Variants in MGAT3 observed in about 807,000 individuals in gnomAD.
The protein encoded by MGAT3 is beta-1,4-mannosyl-glycoprotein 4-beta-N-acetylglucosaminyltransferase, also known as GlcNAc-T III.
Under a neutral mutation model 29.8 loss-of-function variants are expected in MGAT3, and 9 were observed. The ratio of observed to expected loss-of-function variants is 0.30; its 90% CI spans 0.18 to 0.53. The LOEUF (loss-of-function observed/expected upper bound fraction) is 0.53. Ranked by LOEUF, MGAT3 falls within the 20% of genes least tolerant of loss-of-function variation. The pLI is 0.96. For missense variants in MGAT3, 557 were observed against 769.5 expected (o/e 0.72, Z 3.27); for synonymous variants, 397 against 348.9 (o/e 1.14, Z -1.54).
intron 1 of MGAT3, among the ~76,000 whole-genome samples, chr22:39,459,879 G>A (rs1928448874): frequency 6.6e-6 from 1 of 152,260 alleles, no homozygotes; most frequent in Non-Finnish European, 1.5e-5. Flanking sequence ...CCTGGAAAAC[G>A]AGGATGCCGA....
At position 39,488,557 on chromosome 22, in the gene MGAT3, G is replaced by A; in HGVS notation, c.1210G>A (p.Val404Met). 1.9e-6 allele frequency: 3 copies of A among 1,613,314 alleles called. No homozygotes were observed. The highest frequency in any genetic ancestry group is 2.5e-6 in the Non-Finnish European group (3 of 1,180,008). Residue 404 changes from valine to methionine, a missense_variant, in exon 2 of 2, where the codon GTG becomes ATG. Coordinates refer to ENST00000341184, the MANE Select transcript of MGAT3 (RefSeq NM_002409.5). ...TGAGAACCGCACCGGCCACATCCTGGTGCAGTGGTCGCTGGGCAGCCCCCT... is the reference window on the plus strand; with the variant it reads ...TGAGAACCGCACCGGCCACATCCTGATGCAGTGGTCGCTGGGCAGCCCCCT... Reference protein sequence around the residue: ...QYENRTGHILVQWSLGSPLHF... With the variant: ...QYENRTGHILMQWSLGSPLHF...
At position 39,487,503 on chromosome 22, in the gene MGAT3, C is replaced by T; in HGVS notation, c.156C>T (p.Asn52=). 1 of 1,613,502 alleles carries T rather than the reference C, an allele frequency of 6.2e-7. No homozygotes were observed. Among genetic ancestry groups the T allele is most frequent in the South Asian group, 1.1e-5 (1 of 91,074 alleles). ...ACCTGGTGTCCAGCTTTTTCTGGAA[C>T]AATGCCCCGGTCACGCCCCAGGCCA... ...SPNLVSSFFW[N]NAPVTPQASP... Residue 52 remains asparagine (N), a synonymous_variant, in exon 2 of 2, where the codon AAC becomes AAT. Transcript: ENST00000341184. This position sits in a 1 kb window ranked among gnomAD's most constrained non-coding sequence, Gnocchi z 5.7.
In MGAT3 at chr22:39,477,552, G is replaced by GA. The variant is rs36038992; in HGVS notation, c.-1-9781dup. The GA allele has an allele frequency of 6.8e-3, 958 of 140,038 alleles. 9 individuals carry two copies. The highest frequency in any genetic ancestry group is 0.02 in the African/African-American group (743 of 37,478). 8.7% of individuals were successfully genotyped at this position (140,038 alleles called of 1,614,324 possible). A position where few individuals can be genotyped will look rare whatever the true frequency, so the allele number is the denominator to read the frequency against. On this transcript the variant is annotated intron_variant, in intron 1 of 1. Coordinates refer to ENST00000341184, the MANE Select transcript of MGAT3 (RefSeq NM_002409.5). Reference sequence around the variant, plus strand: ...AGCGGGAAACCCAAATGGAAGGAAAGAAAAAAAAAAAAAACCATGCATTTA... The same window carrying GA: ...AGCGGGAAACCCAAATGGAAGGAAAGAAAAAAAAAAAAAAACCATGCATTTA...
At position 39,492,152 on chromosome 22, in the gene MGAT3, G is replaced by A. The variant is rs994025164; in HGVS notation, c.*3203G>A. The A allele has an allele frequency of 6.0e-6, 1 of 167,116 alleles. No homozygotes were observed. Among genetic ancestry groups the A allele is most frequent in the African/African-American group, 2.4e-5 (1 of 41,400 alleles). 10.4% of individuals were successfully genotyped at this position (167,116 alleles called of 1,614,324 possible). ...TTTCACCCTTAAAGGGATGCTTAAA[G>A]GAGAAGATAATATTAATAATAAAAA... On this transcript the variant is annotated 3_prime_UTR_variant, in exon 2 of 2. Coordinates refer to ENST00000341184, the MANE Select transcript of MGAT3 (RefSeq NM_002409.5).
intron 1 of MGAT3, among the ~76,000 whole-genome samples, chr22:39,467,670 C>G (rs930230488): frequency 6.6e-6 from 1 of 151,068 alleles, no homozygotes; most frequent in African/African-American, 2.4e-5. Flanking sequence ...CGTTTCGTTT[C>G]GTTTTGTTTC....
intron 1 of MGAT3, among the ~76,000 whole-genome samples, chr22:39,465,305 C>T (rs959735688): frequency 6.6e-5 from 10 of 152,266 alleles, no homozygotes; most frequent in South Asian, 2.1e-4. Flanking sequence ...GGGCCCCAGA[C>T]GTTAAGGTTC....
chr22:39,485,321 C>T (rs185703979), intron 1 of MGAT3, among the ~76,000 whole-genome samples: 39 of 152,122 alleles, frequency 2.6e-4, no homozygotes, highest in Non-Finnish European at 4.7e-4. Flanking sequence ...ATTCATAAAA[C>T]GAGGGATCCA....
At chr22:39,466,767 C>T (rs1001535755) in intron 1 of MGAT3, among the ~76,000 whole-genome samples, 3 of 152,218 alleles carry the variant, frequency 2.0e-5, no homozygotes, top group African/African-American at 4.8e-5. Context: ...TTACTGACCC[C>T]GGCCTCTAAG....
At position 39,487,855 on chromosome 22, in the gene MGAT3, G is replaced by A. The variant is rs956025387; in HGVS notation, c.508G>A (p.Glu170Lys). The A allele has an allele frequency of 2.6e-6, 4 of 1,544,128 alleles. No homozygotes were observed. The highest frequency in any genetic ancestry group is 1.4e-5 in the African/African-American group (1 of 73,514). ...CCGAGGCGCCCGGCGCAAGTGGGTGGAGTGCGTGTGCCTGCCCGGCTGGCA... is the reference window on the plus strand; with the variant it reads ...CCGAGGCGCCCGGCGCAAGTGGGTGAAGTGCGTGTGCCTGCCCGGCTGGCA... ...GGRGARRKWV[E>K]CVCLPGWHGP... The change falls in exon 2 of 2, where the codon GAG (glutamate) becomes AAG (lysine). Residue 170 changes from glutamate (E) to lysine (K), a missense_variant. By Grantham distance (56) the Glu-to-Lys change is moderately conservative (BLOSUM62 1). This residue lies in a region of MGAT3 where 243 missense variants were observed against 444.0 expected (regional missense o/e 0.55). Coordinates refer to ENST00000341184, the MANE Select transcript of MGAT3 (RefSeq NM_002409.5). This position sits in a 1 kb window ranked among gnomAD's most constrained non-coding sequence, Gnocchi z 5.7.
chr22:39,466,631 C>T (rs1403441103), intron 1 of MGAT3, among the ~76,000 whole-genome samples: 1 of 152,222 alleles, frequency 6.6e-6, no homozygotes, highest in Non-Finnish European at 1.5e-5. Flanking sequence ...GCCAGAGCCC[C>T]CTCTCCTTAG....
At chr22:39,470,849 C>T (rs897960955) in intron 1 of MGAT3, among the ~76,000 whole-genome samples, 3 of 152,152 alleles carry the variant, frequency 2.0e-5, no homozygotes, top group Non-Finnish European at 4.4e-5. Flanking sequence ...CCCAAGATCA[C>T]GGAGGAGGGT....
chr22:39,467,645 CTTT>C (rs1170023486), intron 1 of MGAT3, among the ~76,000 whole-genome samples: 6 of 146,798 alleles, frequency 4.1e-5, no homozygotes, highest in Admixed American at 3.3e-4. Context: ...CTTCTTTTTT[CTTT>C]TCTTTTCTTT....
chr22:39,476,570 G>C (rs1376285238), intron 1 of MGAT3: 1 of 152,212 alleles, frequency 6.6e-6, no homozygotes, highest in Non-Finnish European at 1.5e-5. Flanking sequence ...GAGCCTGCTG[G>C]GGAAGCAGAA....
chr22:39,471,835 G>A (rs1928820282), intron 1 of MGAT3, among the ~76,000 whole-genome samples: 1 of 152,098 alleles, frequency 6.6e-6, no homozygotes, highest in African/African-American at 2.4e-5. Context: ...TCTGTGGTCA[G>A]CCACCACCCT....
At chr22:39,462,618 G>A (rs535816790) in intron 1 of MGAT3, among the ~76,000 whole-genome samples, 22 of 152,328 alleles carry the variant, frequency 1.4e-4, no homozygotes, top group African/African-American at 4.3e-4. Context: ...GGGAAGGGGC[G>A]GAGCTGCCCA....
intron 1 of MGAT3, among the ~76,000 whole-genome samples, chr22:39,460,449 G>A (rs571192810): frequency 6.6e-6 from 1 of 152,132 alleles, no homozygotes; most frequent in Admixed American, 6.5e-5. Flanking sequence ...CTCTCTCACT[G>A]TGTGACTGTG....
In MGAT3 at chr22:39,487,540, GGAGGCCCTGACC is replaced by G; in HGVS notation, c.194_205del (p.Gly65_Leu69delinsVal). 6.2e-7 allele frequency: 1 copy of G among 1,613,058 alleles called. No individual in the cohort carries two copies. The highest frequency in any genetic ancestry group is 8.5e-7 in the Non-Finnish European group (1 of 1,179,984). On this transcript the variant is annotated inframe_deletion, in exon 2 of 2. Transcript: ENST00000341184. This position sits in a 1 kb window ranked among gnomAD's most constrained non-coding sequence, Gnocchi z 5.7. ...CACGCCCCAGGCCAGCCCCGAGCCAGGAGGCCCTGACCTGCTGCGTACCCCACTCTACTCCCA... is the reference window on the plus strand; with the variant it reads ...CACGCCCCAGGCCAGCCCCGAGCCAGTGCTGCGTACCCCACTCTACTCCCA...
chr22:39,489,207 G>C lies in MGAT3; in HGVS notation c.*258G>C. On this transcript the variant is annotated 3_prime_UTR_variant, in exon 2 of 2. Coordinates refer to ENST00000341184, the MANE Select transcript of MGAT3 (RefSeq NM_002409.5). ...CCTTATGACTGCCAAGACTGCTGTGGCCAGGAGGTGCCACTGGAGTGTGCG... is the reference window on the plus strand; with the variant it reads ...CCTTATGACTGCCAAGACTGCTGTGCCCAGGAGGTGCCACTGGAGTGTGCG... The C allele has an allele frequency of 1.7e-6, 1 of 587,488 alleles. No homozygotes were observed. The highest frequency in any genetic ancestry group is 3.1e-6 in the Non-Finnish European group (1 of 325,232). The allele number at this position is 587,488 out of a possible 1,614,324, so 36.4% of individuals were successfully genotyped here. A position where few individuals can be genotyped will look rare whatever the true frequency, so the allele number is the denominator to read the frequency against.
At chr22:39,458,307 C>A (rs1324573802) in intron 1 of MGAT3, among the ~76,000 whole-genome samples, 1 of 146,862 alleles carries the variant, frequency 6.8e-6, no homozygotes, top group Non-Finnish European at 1.5e-5. Context: ...GCCGCGCGGC[C>A]AGACCTAGTG....
Sources: allele counts gnomAD v4.1 joint callset (sites outside exome capture counted in the v4.1 genomes callset), GRCh38; gene constraint gnomAD v4.1.1; regional missense constraint gnomAD v4.1.1; non-coding constraint Gnocchi (gnomAD v3.1); transcripts MANE v1.5; gene names NCBI Gene and HGNC (gene_info 2026-07-23, HGNC 2026-07-21).